Variants in LMBR1 observed in about 807,000 individuals in gnomAD.
The protein encoded by LMBR1 is limb development membrane protein 1.
A neutral mutation model predicts 73.9 loss-of-function variants in LMBR1; 52 were observed. The observed-to-expected ratio is 0.70, with a 90% CI of 0.56 to 0.89. The LOEUF (loss-of-function observed/expected upper bound fraction) is 0.89. Among genes scored for constraint, LMBR1 ranks in the 40% least tolerant of loss-of-function variants. The pLI, the probability that LMBR1 is intolerant of heterozygous loss-of-function variation, is 0.00. For synonymous variants in LMBR1, 215 were observed against 209.4 expected, an observed-to-expected ratio of 1.03 and a Z score of -0.23; for missense variants, 539 against 579.8, an observed-to-expected ratio of 0.93 and a Z score of 0.72.
At chr7:156,857,150 T>C (rs1283493572) in intron 1 of LMBR1, among the ~76,000 whole-genome samples, 1 of 149,980 alleles carries the variant, frequency 6.7e-6, no homozygotes, top group Non-Finnish European at 1.5e-5. Context: ...ATGGTAAATA[T>C]TAAACCAATA....
chr7:156,738,744 G>A (rs1025406608), intron 9 of LMBR1, among the ~76,000 whole-genome samples: 3 of 152,150 alleles, frequency 2.0e-5, no homozygotes, highest in African/African-American at 7.2e-5. Context: ...CTACCTTGAA[G>A]TGGGGGACTC....
intron 5 of LMBR1, among the ~76,000 whole-genome samples, chr7:156,769,251 C>G (rs1824724808): frequency 6.6e-6 from 1 of 152,184 alleles, no homozygotes; most frequent in Non-Finnish European, 1.5e-5. Context: ...CATTTCAGGA[C>G]TGAGACTCCT....
chr7:156,758,248 A>G (rs1822277143), intron 8 of LMBR1, among the ~76,000 whole-genome samples: 1 of 152,266 alleles, frequency 6.6e-6, no homozygotes, highest in Non-Finnish European at 1.5e-5. Context: ...GCCTTGATCC[A>G]AAGTTCCTTT....
chr7:156,800,726 T>C (rs1271278775), intron 4 of LMBR1, among the ~76,000 whole-genome samples: 2 of 152,186 alleles, frequency 1.3e-5, no homozygotes, highest in African/African-American at 2.4e-5. Context: ...CAAAGTAAAC[T>C]GAAAACCTTC....
intron 4 of LMBR1, among the ~76,000 whole-genome samples, chr7:156,818,320 C>T (rs2133714665): frequency 6.6e-6 from 1 of 152,276 alleles, no homozygotes; most frequent in African/African-American, 2.4e-5. Context: ...ACAGTCCTTG[C>T]AGTGACTTGT....
rs191840050 is a variant in LMBR1, at chr7:156,835,267, T to C, written c.140-1475A>G. On this transcript the variant is annotated intron_variant, in intron 2 of 16. Coordinates refer to ENST00000353442, the MANE Select transcript of LMBR1 (RefSeq NM_022458.4). The stretch of plus-strand genomic sequence containing the variant: ...CCCATCTGCTTCAGTGTCAAGGGTG[T>C]ATTTGGGCCATTCTGTTAGTCCACC... Among the ~76,000 whole-genome samples the C allele has an allele frequency of 3.2e-3, 478 of 150,522 alleles. 1 individual carries two copies. The highest frequency in any genetic ancestry group is 5.7e-3 in the Non-Finnish European group (391 of 68,002).
At chr7:156,698,129 C>T (rs1808737941) in intron 15 of LMBR1, among the ~76,000 whole-genome samples, 1 of 152,202 alleles carries the variant, frequency 6.6e-6, no homozygotes, top group South Asian at 2.1e-4. Context: ...AATCTTAAAG[C>T]TCCAAAATGA....
chr7:156,726,210 T>C (rs1003352812), intron 12 of LMBR1: 8 of 170,326 alleles, frequency 4.7e-5, no homozygotes, highest in Non-Finnish European at 8.7e-5. Context: ...ATAGGATACA[T>C]AGCTATCTGA....
intron 15 of LMBR1, among the ~76,000 whole-genome samples, chr7:156,714,720 G>A (rs542681704): frequency 1.3e-5 from 2 of 152,226 alleles, no homozygotes; most frequent in East Asian, 3.9e-4. Flanking sequence ...AGGGACAAAG[G>A]AGGTGCCCCA....
At chr7:156,873,308 G>T (rs549353702) in intron 1 of LMBR1, among the ~76,000 whole-genome samples, 3 of 151,918 alleles carry the variant, frequency 2.0e-5, no homozygotes, top group Non-Finnish European at 4.4e-5. Flanking sequence ...CATTCCTCCC[G>T]GTGGGCTCCT....
intron 15 of LMBR1, among the ~76,000 whole-genome samples, chr7:156,702,449 T>C (rs1023901307): frequency 2.6e-5 from 4 of 152,240 alleles, no homozygotes; most frequent in Non-Finnish European, 5.9e-5. Flanking sequence ...GTTCATGTCC[T>C]TTGCCCACTT....
chr7:156,672,447 G>A (rs1044582358), intron 4 of LMBR1, among the ~76,000 whole-genome samples: 1 of 152,132 alleles, frequency 6.6e-6, no homozygotes, highest in Non-Finnish European at 1.5e-5. Flanking sequence ...TGGACCTCAG[G>A]GTCTTTGTCA....
chr7:156,881,789 C>A (rs1801126493), intron 1 of LMBR1, among the ~76,000 whole-genome samples: 1 of 151,304 alleles, frequency 6.6e-6, no homozygotes, highest in Admixed American at 6.6e-5. Flanking sequence ...CACCTCACAC[C>A]TGTTAGGATG....
chr7:156,742,841 A>G (rs759191486), intron 9 of LMBR1, among the ~76,000 whole-genome samples: 1 of 151,978 alleles, frequency 6.6e-6, no homozygotes, highest in African/African-American at 2.4e-5. Flanking sequence ...ATATTGATGC[A>G]AAAGTCCTCA....
intron 1 of LMBR1, among the ~76,000 whole-genome samples, chr7:156,857,571 C>T (rs1427874588): frequency 6.6e-6 from 1 of 152,190 alleles, no homozygotes; most frequent in Non-Finnish European, 1.5e-5. Context: ...AGTAAGGGTA[C>T]ATAGTTGAAC....
chr7:156,819,011 C>T (rs1834350737), intron 4 of LMBR1, among the ~76,000 whole-genome samples: 4 of 152,190 alleles, frequency 2.6e-5, no homozygotes, highest in African/African-American at 9.7e-5. Flanking sequence ...GTGATGACAA[C>T]CACCAGCCAA....
chr7:156,802,526 T>A (rs980630428), intron 4 of LMBR1, among the ~76,000 whole-genome samples: 1 of 152,150 alleles, frequency 6.6e-6, no homozygotes, highest in Non-Finnish European at 1.5e-5. Flanking sequence ...AAAGAAGTAG[T>A]CTCAGAATTA....
chr7:156,882,276 TACAAAAAATAA>T (rs1801206661), intron 1 of LMBR1, among the ~76,000 whole-genome samples: 1 of 152,088 alleles, frequency 6.6e-6, no homozygotes. Context: ...ACATCGTCTC[TACAAAAAATAA>T]ACAAAAAATT....
chr7:156,720,176 A>G (rs1282179822), intron 15 of LMBR1, among the ~76,000 whole-genome samples: 4 of 151,592 alleles, frequency 2.6e-5, no homozygotes, highest in African/African-American at 7.3e-5. Context: ...GCAACCTACA[A>G]AATGGGAGAA....
Sources: allele counts gnomAD v4.1 joint callset (sites outside exome capture counted in the v4.1 genomes callset), GRCh38; gene constraint gnomAD v4.1.1; transcripts MANE v1.5; gene names NCBI Gene and HGNC (gene_info 2026-07-23, HGNC 2026-07-21).